CNTN1: variants seen among roughly 807,000 people sequenced by gnomAD.
The protein encoded by CNTN1 is contactin-1.
In CNTN1, 38 loss-of-function variants were observed where a neutral mutation model predicts 126.4. The ratio of observed to expected loss-of-function variants is 0.30; its 90% CI spans 0.23 to 0.39. The LOEUF (loss-of-function observed/expected upper bound fraction) is 0.39, where lower values mean the gene tolerates loss of function less well. Ranked by LOEUF, CNTN1 falls within the 10% of genes least tolerant of loss-of-function variation. The pLI is 1.00. For synonymous variants in CNTN1, 413 were observed against 422.6 expected, an observed-to-expected ratio of 0.98 and a Z score of 0.28; for missense variants, 1,009 against 1,248.4, an observed-to-expected ratio of 0.81 and a Z score of 2.89.
At chr12:40,818,784 A>G (rs1854482) in intron 1 of CNTN1, among the ~76,000 whole-genome samples, 96,659 of 151,906 alleles carry the variant, frequency 0.64, 31,046 homozygotes, top group East Asian at 0.77. Flanking sequence ...TTTTTTCATT[A>G]ATTCTTTTTC....
chr12:40,849,836 G>A (rs559050348), intron 1 of CNTN1, among the ~76,000 whole-genome samples: 1 of 151,914 alleles, frequency 6.6e-6, no homozygotes, highest in Non-Finnish European at 1.5e-5. Flanking sequence ...TTTAAAGCCT[G>A]TGAGACACAG....
chr12:40,756,360 TC>T (rs1272902329), intron 1 of CNTN1, among the ~76,000 whole-genome samples: 2 of 152,196 alleles, frequency 1.3e-5, no homozygotes, highest in East Asian at 3.9e-4. Flanking sequence ...GGGAGTGTCC[TC>T]ATTGGTGTAA....
intron 1 of CNTN1, chr12:40,896,177 A>C (rs1342171607): frequency 2.0e-5 from 3 of 152,188 alleles, no homozygotes; most frequent in Non-Finnish European, 4.4e-5. Context: ...ACACACTTAC[A>C]TGCTGACACA....
At chr12:40,912,620 C>G (rs1945081792) in intron 3 of CNTN1, among the ~76,000 whole-genome samples, 2 of 151,384 alleles carry the variant, frequency 1.3e-5, no homozygotes, top group African/African-American at 4.9e-5. Context: ...TGTATAATAT[C>G]CAAAGCTAAT....
rs1476139631 is a variant in CNTN1 at position 40,947,774 on chromosome 12, TATATATATACACACACACACACACACAC to T, written c.1683+3606_1683+3633del. On this transcript the variant is annotated intron_variant, in intron 14 of 23. Coordinates refer to ENST00000551295, the MANE Select transcript of CNTN1 (RefSeq NM_001843.4). ...AGATTGTCACTATTTCATATATATA[TATATATATACACACACACACACACACAC>T]ACACACACACACACACACACACACA... is the stretch of plus-strand genomic sequence containing the variant. Among the ~76,000 whole-genome samples, 222 of 81,210 alleles carry T rather than the reference TATATATATACACACACACACACACACAC, an allele frequency of 2.7e-3. 1 individual carries two copies. The highest frequency in any genetic ancestry group is 0.01 in the African/African-American group (212 of 20,416). 53.3% of individuals were successfully genotyped at this position (81,210 alleles called of 152,430 possible). A position where few individuals can be genotyped will look rare whatever the true frequency, so the allele number is the denominator to read the frequency against.
At chr12:40,782,932 A>G (rs79496732) in intron 1 of CNTN1, among the ~76,000 whole-genome samples, 5,575 of 152,096 alleles carry the variant, frequency 0.037, 141 homozygotes, top group Non-Finnish European at 0.058. Context: ...AGAGACATAA[A>G]GGAAATAAAT....
intron 1 of CNTN1, among the ~76,000 whole-genome samples, chr12:40,761,997 C>T (rs573437467): frequency 6.6e-6 from 1 of 152,178 alleles, no homozygotes; most frequent in Admixed American, 6.6e-5. Flanking sequence ...AGGGACACTT[C>T]TACAATACAC....
At chr12:40,993,064 A>T in intron 16 of CNTN1, 56 bp from the exon 17 acceptor site, 1 of 1,504,112 alleles carries the variant, frequency 6.6e-7, no homozygotes, top group Non-Finnish European at 9.2e-7. Flanking sequence ...AAGGGAAGTT[A>T]TAAAAGTGAT....
chr12:40,897,216 TG>T (rs1357605951), intron 1 of CNTN1, among the ~76,000 whole-genome samples: 3 of 152,288 alleles, frequency 2.0e-5, no homozygotes, highest in African/African-American at 7.2e-5. Flanking sequence ...GAGGTCAAAT[TG>T]ACATTTGTAT....
At chr12:40,760,473 T>A (rs1187293947) in intron 1 of CNTN1, among the ~76,000 whole-genome samples, 1 of 152,178 alleles carries the variant, frequency 6.6e-6, no homozygotes, top group African/African-American at 2.4e-5. Context: ...TTAATGTTTT[T>A]TTTTTTGCAG....
intron 1 of CNTN1, among the ~76,000 whole-genome samples, chr12:40,697,068 C>T (rs1354311646): frequency 6.6e-6 from 1 of 152,092 alleles, no homozygotes; most frequent in Non-Finnish European, 1.5e-5. Context: ...AGTTTTGCAT[C>T]GTCAAGAACA....
intron 1 of CNTN1, among the ~76,000 whole-genome samples, chr12:40,830,164 A>G (rs1941759425): frequency 6.6e-6 from 1 of 152,138 alleles, no homozygotes; most frequent in East Asian, 1.9e-4. Context: ...TTTAAAAGAC[A>G]TAATGTTCAG....
intron 15 of CNTN1, chr12:40,971,311 T>A (rs1947502038): frequency 1.3e-6 from 1 of 797,602 alleles, no homozygotes; most frequent in East Asian, 2.7e-5. Context: ...GGAAGATACC[T>A]TTCTGTGTTT....
chr12:41,058,597 T>G (rs535512259), intron 23 of CNTN1, among the ~76,000 whole-genome samples: 10 of 152,088 alleles, frequency 6.6e-5, no homozygotes, highest in Non-Finnish European at 1.5e-4. Context: ...TTTTTTCCCC[T>G]TTTTTTAACT....
intron 1 of CNTN1, among the ~76,000 whole-genome samples, chr12:40,724,475 G>A (rs756456676): frequency 3.3e-5 from 5 of 152,100 alleles, no homozygotes; most frequent in Non-Finnish European, 5.9e-5. Flanking sequence ...CACTATCCTA[G>A]GCTATTGGAT....
intron 1 of CNTN1, among the ~76,000 whole-genome samples, chr12:40,700,530 T>TA (rs112912400): frequency 0.014 from 2,016 of 145,510 alleles, 27 homozygotes; most frequent in African/African-American, 0.044. Context: ...TGTCTCAAAA[T>TA]AAAAAAAAAA....
At chr12:40,803,692 T>C (rs576267966) in intron 1 of CNTN1, among the ~76,000 whole-genome samples, 13 of 152,034 alleles carry the variant, frequency 8.6e-5, no homozygotes, top group African/African-American at 2.6e-4. Context: ...TTTGAATTTA[T>C]TATATATGAT....
intron 1 of CNTN1, among the ~76,000 whole-genome samples, chr12:40,748,160 A>C (rs1008339480): frequency 2.0e-5 from 3 of 152,142 alleles, no homozygotes; most frequent in African/African-American, 7.2e-5. Flanking sequence ...CTGGGGAATA[A>C]AATAATAGAT....
At chr12:40,855,356 C>G (rs1942867680) in intron 1 of CNTN1, among the ~76,000 whole-genome samples, 3 of 151,960 alleles carry the variant, frequency 2.0e-5, no homozygotes, top group African/African-American at 7.2e-5. Context: ...CCATTAGAGT[C>G]TGAATAATAC....
Sources: allele counts gnomAD v4.1 joint callset (sites outside exome capture counted in the v4.1 genomes callset), GRCh38; gene constraint gnomAD v4.1.1; transcripts MANE v1.5; gene names NCBI Gene and HGNC (gene_info 2026-07-23, HGNC 2026-07-21).